The following LMBRD1 variants were observed in gnomAD, a reference collection of about 807,000 sequenced individuals.
LMBRD1 encodes the protein lysosomal cobalamin transport escort protein LMBD1.
In LMBRD1, 64 loss-of-function variants were observed where a neutral mutation model predicts 74.8. The ratio of observed to expected loss-of-function variants is 0.86; its 90% confidence interval spans 0.70 to 1.05. The LOEUF is 1.05. Ranked by LOEUF, LMBRD1 falls within the 50% of genes least tolerant of loss-of-function variation. The probability of loss-of-function intolerance (pLI) is 0.00; values close to 1 mark genes in which losing one functional copy is unlikely to be tolerated. For missense variants in LMBRD1, 652 were observed against 645.9 expected (o/e 1.01, Z -0.10); for synonymous variants, 204 against 216.3 (o/e 0.94, Z 0.50).
chr6:69,718,839 C>CA (rs1219432337), intron 8 of LMBRD1, 117 bp downstream of exon 8: 1 of 1,074,090 alleles, frequency 9.3e-7, no homozygotes, highest in Non-Finnish European at 1.4e-6. Flanking sequence ...AGATATGCTG[C>CA]AAAAAATTCA....
chr6:69,687,136 T>C (rs557194251), intron 14 of LMBRD1, among the ~76,000 whole-genome samples: 2 of 152,328 alleles, frequency 1.3e-5, no homozygotes, highest in East Asian at 3.9e-4. Flanking sequence ...ATCTGCTTGC[T>C]ATTCCTCTAC....
intron 1 of LMBRD1, among the ~76,000 whole-genome samples, chr6:69,791,005 A>G (rs1347285663): frequency 1.3e-5 from 2 of 152,244 alleles, no homozygotes; most frequent in East Asian, 1.9e-4. Context: ...AGCATTAAAC[A>G]AAGAAAAGTC....
At chr6:69,699,324 A>C in intron 12 of LMBRD1, 132 bp from the exon 13 acceptor site, 2 of 775,118 alleles carry the variant, frequency 2.6e-6, no homozygotes, top group Non-Finnish European at 4.2e-6. Flanking sequence ...TAAATACTAA[A>C]AGTTCTTAAT....
chr6:69,706,131 G>T, intron 9 of LMBRD1: 1 of 563,852 alleles, frequency 1.8e-6, no homozygotes, highest in East Asian at 3.8e-5. Flanking sequence ...GCCTCCGGGG[G>T]TTTATGTCCA....
chr6:69,790,184 T>G (rs1428117377), intron 2 of LMBRD1, 112 bp downstream of exon 2: 2 of 759,324 alleles, frequency 2.6e-6, no homozygotes, highest in Non-Finnish European at 4.5e-6. Flanking sequence ...TATGTTGTAT[T>G]TCCATTCTCA....
rs776873122 is a variant in LMBRD1 at position 69,675,574 on chromosome 6, T to C, written c.*584A>G. On this transcript the variant is annotated 3_prime_UTR_variant, in exon 16 of 16. Transcript: ENST00000649934. ...ACTGTAGAGGTTGTAAGTTATCTAATGGACTGATATTTGAACAATATAACA... is the reference window on the plus strand; with the variant it reads ...ACTGTAGAGGTTGTAAGTTATCTAACGGACTGATATTTGAACAATATAACA... 1.4e-4 allele frequency among the ~76,000 whole-genome samples: 21 copies of C among 152,182 alleles called. No homozygotes were observed. The highest frequency in any genetic ancestry group is 5.2e-4 in the Admixed American group (8 of 15,266).
intron 3 of LMBRD1, among the ~76,000 whole-genome samples, chr6:69,763,454 G>A (rs1765414811): frequency 6.6e-6 from 1 of 152,142 alleles, no homozygotes; most frequent in Non-Finnish European, 1.5e-5. Flanking sequence ...GAGGAAGATG[G>A]GATGAAATGA....
chr6:69,796,816 T>C lies in LMBRD1; in HGVS notation c.66A>G (p.Leu22=), dbSNP rs1467412166. The C allele has an allele frequency of 1.9e-6, 3 of 1,612,596 alleles. No homozygotes were observed. Among genetic ancestry groups the C allele is most frequent in the East Asian group, 4.5e-5 (2 of 44,764 alleles). ...AAACTCCAAGCGCCTCCCCTACCAGTAGTAAGAGGCCGAATATGCACCAGC... is the reference window on the plus strand; with the variant it reads ...AAACTCCAAGCGCCTCCCCTACCAGCAGTAAGAGGCCGAATATGCACCAGC... ...VIGWCIFGLL[L]LAILAFCWIY... is the part of the protein sequence containing the mutation. The change falls in exon 1 of 16, where the codon CTA becomes CTG. Residue 22 remains leucine (L), a synonymous_variant. Transcript: ENST00000649934.
intron 1 of LMBRD1, among the ~76,000 whole-genome samples, chr6:69,793,028 T>C (rs1766120417): frequency 1.3e-5 from 2 of 152,234 alleles, no homozygotes; most frequent in Admixed American, 1.3e-4. Context: ...TCCTCGTCTA[T>C]AGGAATACTT....
chr6:69,734,347 T>C (rs1766927365), intron 7 of LMBRD1, among the ~76,000 whole-genome samples: 1 of 152,098 alleles, frequency 6.6e-6, no homozygotes, highest in South Asian at 2.1e-4. Flanking sequence ...ACGTCATCAA[T>C]GGATTCTTGG....
chr6:69,745,859 T>TC, intron 5 of LMBRD1: 1 of 163,848 alleles, frequency 6.1e-6, no homozygotes, highest in Middle Eastern at 2.8e-3. Flanking sequence ...CCAGACACAT[T>TC]ACTGAGACAT....
At chr6:69,763,974 T>C (rs1765426552) in intron 3 of LMBRD1, among the ~76,000 whole-genome samples, 1 of 152,162 alleles carries the variant, frequency 6.6e-6, no homozygotes, top group African/African-American at 2.4e-5. Flanking sequence ...TCAGGATAAA[T>C]TTTACTTGTG....
intron 7 of LMBRD1, among the ~76,000 whole-genome samples, chr6:69,725,541 G>A (rs753304925): frequency 4.0e-5 from 6 of 151,800 alleles, no homozygotes; most frequent in Non-Finnish European, 7.4e-5. Flanking sequence ...ACAGACACAC[G>A]GACCAATGGA....
chr6:69,785,042 C>T (rs1765917225), intron 2 of LMBRD1, among the ~76,000 whole-genome samples: 1 of 152,164 alleles, frequency 6.6e-6, no homozygotes, highest in Non-Finnish European at 1.5e-5. Context: ...TCAACCTAAC[C>T]ACCCTACTGT....
intron 3 of LMBRD1, among the ~76,000 whole-genome samples, chr6:69,770,370 A>T (rs1018896156): frequency 6.6e-6 from 1 of 152,200 alleles, no homozygotes. Flanking sequence ...ACTGTCCCTT[A>T]GCAGTTTTTA....
intron 1 of LMBRD1, among the ~76,000 whole-genome samples, chr6:69,793,152 C>A (rs1766126558): frequency 6.6e-6 from 1 of 152,090 alleles, no homozygotes; most frequent in African/African-American, 2.4e-5. Flanking sequence ...ATAAAAGAAA[C>A]AAATATATAA....
chr6:69,753,813 C>A (rs796125622), intron 3 of LMBRD1, among the ~76,000 whole-genome samples: 5 of 152,090 alleles, frequency 3.3e-5, no homozygotes, highest in African/African-American at 9.6e-5. Flanking sequence ...TGGTCGTGGG[C>A]ACCTGTATTC....
chr6:69,730,071 T>G (rs1271468001), intron 7 of LMBRD1, among the ~76,000 whole-genome samples: 1 of 152,008 alleles, frequency 6.6e-6, no homozygotes, highest in Non-Finnish European at 1.5e-5. Flanking sequence ...CTAAAGAGAT[T>G]GTATAGTTTA....
chr6:69,697,866 G>A (rs3799108), intron 13 of LMBRD1, among the ~76,000 whole-genome samples: 9 of 151,934 alleles, frequency 5.9e-5, no homozygotes, highest in Non-Finnish European at 1.0e-4. Flanking sequence ...TGAACAACAT[G>A]GCTTCTTCCC....
Sources: allele counts gnomAD v4.1 joint callset (sites outside exome capture counted in the v4.1 genomes callset), GRCh38; gene constraint gnomAD v4.1.1; transcripts MANE v1.5; gene names NCBI Gene and HGNC (gene_info 2026-07-23, HGNC 2026-07-21).